The following RAI1 variants were observed in gnomAD, a reference collection of about 807,000 sequenced individuals.
The protein encoded by RAI1 is retinoic acid induced 1, also known as retinoic acid-induced protein 1.
In RAI1, 9 loss-of-function variants were observed where a neutral mutation model predicts 123.8. The ratio of observed to expected loss-of-function variants is 0.07; its 90% CI spans 0.04 to 0.13. The LOEUF (loss-of-function observed/expected upper bound fraction) is 0.13, where lower values mean the gene tolerates loss of function less well. RAI1 is among the 10% of genes least tolerant of loss of function. The pLI is 1.00. For missense variants in RAI1, 2,256 were observed against 2,545.8 expected (o/e 0.89, Z 2.45); for synonymous variants, 1,231 against 1,127.3 (o/e 1.09, Z -1.84).
At chr17:17,752,440 CGCGGCCGCGCGCGGCTGGAAAGGG>C (rs1040192352) in intron 2 of RAI1, among the ~76,000 whole-genome samples, 2 of 151,842 alleles carry the variant, frequency 1.3e-5, no homozygotes, top group African/African-American at 4.8e-5. Context: ...AACAGGCGGG[CGCGGCCGCGCGCGGCTGGAAAGGG>C]GCGGGGCTTC....
rs73981070 is a variant in RAI1, at chr17:17,804,096, A to G, written c.5659+247A>G. On this transcript the variant is annotated intron_variant, in intron 4 of 5. Transcript: ENST00000353383. ...GCCCAGAGCAGTGAGGGAAGATAGA[A>G]GCATAAATTACAATGTGGAATGCTG... 0.011 allele frequency: 6,492 copies of G among 583,004 alleles called. 308 individuals are homozygous for G. The highest frequency in any genetic ancestry group is 0.1 in the African/African-American group (5,595 of 53,960). 36.1% of individuals were successfully genotyped at this position (583,004 alleles called of 1,614,324 possible).
At chr17:17,688,947 C>G (rs922041584) in intron 1 of RAI1, among the ~76,000 whole-genome samples, 1 of 150,506 alleles carries the variant, frequency 6.6e-6, no homozygotes, top group Non-Finnish European at 1.5e-5. Flanking sequence ...GAAGAGATCA[C>G]CATTATGATT....
chr17:17,808,069 G>T (rs1013548514), intron 4 of RAI1, among the ~76,000 whole-genome samples: 4 of 152,216 alleles, frequency 2.6e-5, no homozygotes, highest in Non-Finnish European at 4.4e-5. Context: ...AGATTGTGTT[G>T]GAGAGAGCAC....
At chr17:17,785,127 C>T (rs73297806) in intron 2 of RAI1, among the ~76,000 whole-genome samples, 1,892 of 152,298 alleles carry the variant, frequency 0.012, 42 homozygotes, top group African/African-American at 0.043. Flanking sequence ...GCACCCAGCT[C>T]GGCCCACATC....
chr17:17,795,431 G>A lies in RAI1; in HGVS notation c.2483G>A (p.Cys828Tyr). The stretch of plus-strand genomic sequence containing the variant: ...GAGGAGGCAGGTGGGCTGCTGCAGT[G>A]CCCCGAGGTGGCCAAGGCTGACCGG... Reference protein sequence around the residue: ...VKEEAGGLLQCPEVAKADRWL... With the variant: ...VKEEAGGLLQYPEVAKADRWL... Residue 828 changes from cysteine to tyrosine, a missense_variant, in exon 3 of 6, where the codon TGC becomes TAC. Cys to Tyr is a radical substitution (Grantham distance 194). This residue lies in a region of RAI1 where 566 missense variants were observed against 616.0 expected (regional missense o/e 0.92). Transcript: ENST00000353383. This position sits in a 1 kb window ranked among gnomAD's most constrained non-coding sequence, Gnocchi z 5.9. 6.3e-7 allele frequency: 1 copy of A among 1,591,184 alleles called. No homozygotes were observed. The highest frequency in any genetic ancestry group is 1.1e-5 in the South Asian group (1 of 88,540).
intron 2 of RAI1, among the ~76,000 whole-genome samples, chr17:17,765,053 C>T (rs1378861770): frequency 6.6e-6 from 1 of 152,196 alleles, no homozygotes; most frequent in East Asian, 1.9e-4. Flanking sequence ...CGGTGGCTTG[C>T]GCCTGTATTC....
chr17:17,702,254 C>T (rs1915247131), intron 1 of RAI1, among the ~76,000 whole-genome samples: 1 of 152,226 alleles, frequency 6.6e-6, no homozygotes, highest in Admixed American at 6.5e-5. Flanking sequence ...GCAGAGGGTC[C>T]TCTGTTGCCT....
At chr17:17,722,738 C>T (rs1011340052) in intron 1 of RAI1, among the ~76,000 whole-genome samples, 2 of 152,228 alleles carry the variant, frequency 1.3e-5, no homozygotes, top group African/African-American at 4.8e-5. Flanking sequence ...CCCCCAAACC[C>T]TGTGCTTCTA....
intron 2 of RAI1, among the ~76,000 whole-genome samples, chr17:17,760,065 CTCCCTCCTGG>C (rs1461281582): frequency 1.3e-5 from 2 of 152,228 alleles, no homozygotes; most frequent in Non-Finnish European, 2.9e-5. Context: ...CCCCAGAGGG[CTCCCTCCTGG>C]TCAGAGCCCT....
rs1193370205 is a variant in RAI1, at chr17:17,752,714, C to T, written c.-17+28555C>T. 2.6e-5 allele frequency among the ~76,000 whole-genome samples: 4 copies of T among 152,210 alleles called. No homozygotes were observed. The East Asian group carries it at 7.7e-4, about 29-fold the overall frequency. On this transcript the variant is annotated intron_variant, in intron 2 of 5. Coordinates refer to ENST00000353383, the MANE Select transcript of RAI1 (RefSeq NM_030665.4). ...ACTTGCCACGCTGGCCCCTCCCTCT[C>T]CTCACCACCACAGGGCCTTTGCACG... is the stretch of plus-strand genomic sequence containing the variant.
intron 3 of RAI1, among the ~76,000 whole-genome samples, chr17:17,803,185 C>A (rs1397912002): frequency 6.6e-6 from 1 of 151,968 alleles, no homozygotes; most frequent in Non-Finnish European, 1.5e-5. Flanking sequence ...GTAGCCACAG[C>A]CATGGTAGTA....
At chr17:17,781,669 A>G (rs1429797153) in intron 2 of RAI1, among the ~76,000 whole-genome samples, 1 of 152,222 alleles carries the variant, frequency 6.6e-6, no homozygotes, top group Non-Finnish European at 1.5e-5. Flanking sequence ...GGGAGTCCCC[A>G]CTGTGCGCCC....
chr17:17,798,751 T>G (rs2032358263), intron 3 of RAI1, among the ~76,000 whole-genome samples: 1 of 152,028 alleles, frequency 6.6e-6, no homozygotes, highest in African/African-American at 2.4e-5. Context: ...CCGGGGCCCG[T>G]ATGCCCAGCC....
chr17:17,763,889 C>G (rs968234783), intron 2 of RAI1, among the ~76,000 whole-genome samples: 1 of 152,266 alleles, frequency 6.6e-6, no homozygotes, highest in Non-Finnish European at 1.5e-5. Context: ...TGGGAAACTG[C>G]TCACTGATGT....
chr17:17,810,721 G>A lies in RAI1; in HGVS notation c.*740G>A. On this transcript the variant is annotated 3_prime_UTR_variant, in exon 6 of 6. Transcript: ENST00000353383. The surrounding 1 kb of genome is among the most constrained non-coding windows in gnomAD (Gnocchi z 4.6). ...CTGGGACACCCTTTGGCCTCTGTTT[G>A]TCCCCTTTCCAGTCCTCCACCCCAC... 4.6e-6 allele frequency: 2 copies of A among 431,028 alleles called. No individual in the cohort carries two copies. Among genetic ancestry groups the A allele is most frequent in the Non-Finnish European group, 4.8e-6 (1 of 209,736 alleles). The allele number at this position is 431,028 out of a possible 1,614,324, so 26.7% of individuals were successfully genotyped here.
chr17:17,802,189 G>A, intron 3 of RAI1: 1 of 470,684 alleles, frequency 2.1e-6, no homozygotes, highest in South Asian at 1.5e-5. Flanking sequence ...CAGCCCCCAA[G>A]CTCAGCAGAG....
chr17:17,790,952 G>A (rs946019764), intron 2 of RAI1, among the ~76,000 whole-genome samples: 6 of 152,240 alleles, frequency 3.9e-5, no homozygotes, highest in African/African-American at 1.2e-4. Context: ...CTGGGTTGGC[G>A]CGTCGCAGCA....
chr17:17,700,142 G>T (rs1915168256), intron 1 of RAI1, among the ~76,000 whole-genome samples: 1 of 152,250 alleles, frequency 6.6e-6, no homozygotes, highest in African/African-American at 2.4e-5. Flanking sequence ...GTGTCACATG[G>T]CACCTCTAGG....
Position 17,803,740 on chromosome 17 carries a change from C to T in RAI1, c.5566-16C>T, listed in dbSNP as rs1205884488. ...TCCAACTGGAGACTCACCTGCCTTT[C>T]CTTTCTCTTCATCAGATGTGTTCCA... On this transcript the variant is annotated splice_polypyrimidine_tract_variant and intron_variant, in intron 3 of 5. Coordinates refer to ENST00000353383, the MANE Select transcript of RAI1 (RefSeq NM_030665.4). The T allele has an allele frequency of 6.2e-7, 1 of 1,610,774 alleles. No homozygotes were observed.
Sources: allele counts gnomAD v4.1 joint callset (sites outside exome capture counted in the v4.1 genomes callset), GRCh38; gene constraint gnomAD v4.1.1; regional missense constraint gnomAD v4.1.1; non-coding constraint Gnocchi (gnomAD v3.1); transcripts MANE v1.5; gene names NCBI Gene and HGNC (gene_info 2026-07-23, HGNC 2026-07-21).